FAM241A: variants seen among roughly 807,000 people sequenced by gnomAD.
FAM241A encodes uncharacterized protein FAM241A.
FAM241A carries 7 observed loss-of-function variants against 12.2 expected under a neutral mutation model. The ratio of observed to expected loss-of-function variants is 0.58; its 90% CI spans 0.33 to 1.08. FAM241A has a LOEUF of 1.08. FAM241A is among the 50% of genes least tolerant of loss of function. FAM241A has a pLI of 0.04. For synonymous variants in FAM241A, 74 were observed against 68.2 expected (o/e 1.08, Z -0.42); for missense variants, 161 against 169.7 (o/e 0.95, Z 0.29).
chr4:112,147,046 G>A (rs551327424), intron 1 of FAM241A, among the ~76,000 whole-genome samples: 52 of 152,326 alleles, frequency 3.4e-4, no homozygotes, highest in Admixed American at 8.5e-4. Flanking sequence ...TTGCATTTGA[G>A]CAGGGGTTTC....
intron 1 of FAM241A, among the ~76,000 whole-genome samples, chr4:112,164,179 G>A (rs931137612): frequency 4.6e-5 from 7 of 151,310 alleles, no homozygotes; most frequent in African/African-American, 1.7e-4. Flanking sequence ...CTAGTTAATC[G>A]GTGCAGCACA....
At chr4:112,168,110 C>A (rs1039523702) in intron 1 of FAM241A, among the ~76,000 whole-genome samples, 3 of 152,196 alleles carry the variant, frequency 2.0e-5, no homozygotes, top group Non-Finnish European at 4.4e-5. Context: ...CAGAAAACTT[C>A]TAGTAATTTT....
intron 1 of FAM241A, among the ~76,000 whole-genome samples, chr4:112,157,027 A>G (rs1055393250): frequency 6.6e-6 from 1 of 152,142 alleles, no homozygotes; most frequent in Non-Finnish European, 1.5e-5. Context: ...TAAAATTCTT[A>G]TCAGCCATTT....
rs184312817 is a variant in FAM241A, at chr4:112,171,035, T to C, written c.154-15658T>C. ...TTTATTTTTAAGAAAAGATGAAATT[T>C]TTAAAATCCTGGTCAAATAGTAAGT... On this transcript the variant is annotated intron_variant, in intron 1 of 1. Coordinates refer to ENST00000309733, the MANE Select transcript of FAM241A (RefSeq NM_152400.3). Among the ~76,000 whole-genome samples, 310 of 152,254 alleles carry C rather than the reference T, an allele frequency of 2.0e-3. 2 individuals carry two copies. The highest frequency in any genetic ancestry group is 7.0e-3 in the African/African-American group (291 of 41,538).
Position 112,191,944 on chromosome 4 carries a change from A to G in FAM241A, c.*5006A>G, listed in dbSNP as rs1724173863. 2 of 152,200 alleles carry G rather than the reference A, an allele frequency of 1.3e-5. No individual in the cohort carries two copies. Among genetic ancestry groups the G allele is most frequent in the Non-Finnish European group, 1.5e-5 (1 of 68,046 alleles). The allele number at this position is 152,200 out of a possible 1,614,324, so 9.4% of individuals were successfully genotyped here. Reference sequence around the variant, plus strand: ...CACAATGCCTGGGACATAATAGGCCATCAAAATATTTATCAAGTAAACCCA... The same window carrying G: ...CACAATGCCTGGGACATAATAGGCCGTCAAAATATTTATCAAGTAAACCCA... On this transcript the variant is annotated 3_prime_UTR_variant, in exon 2 of 2. Coordinates refer to ENST00000309733, the MANE Select transcript of FAM241A (RefSeq NM_152400.3).
At chr4:112,154,189 G>A (rs1723304557) in intron 1 of FAM241A, among the ~76,000 whole-genome samples, 1 of 152,102 alleles carries the variant, frequency 6.6e-6, no homozygotes, top group Non-Finnish European at 1.5e-5. Context: ...GAATTGAGAA[G>A]GAAAGTCATT....
At chr4:112,171,369 G>C (rs12643919) in intron 1 of FAM241A, 209,767 of 760,734 alleles carry the variant, frequency 0.28, 30,394 homozygotes, top group East Asian at 0.42. Context: ...TGGGGGACAA[G>C]CTAAGCCAAT....
chr4:112,151,918 C>A (rs1699179878), intron 1 of FAM241A, among the ~76,000 whole-genome samples: 1 of 152,160 alleles, frequency 6.6e-6, no homozygotes, highest in Non-Finnish European at 1.5e-5. Context: ...GAAAAACAGT[C>A]TGACAAATTT....
chr4:112,170,623 G>A (rs1368221502), intron 1 of FAM241A, among the ~76,000 whole-genome samples: 1 of 152,302 alleles, frequency 6.6e-6, no homozygotes, highest in African/African-American at 2.4e-5. Context: ...TCCCGAGCAG[G>A]ATGGAGCAAG....
chr4:112,172,766 T>C (rs1039536679), intron 1 of FAM241A, among the ~76,000 whole-genome samples: 1 of 152,216 alleles, frequency 6.6e-6, no homozygotes, highest in Non-Finnish European at 1.5e-5. Context: ...GGTTCTAAAG[T>C]GTTTTTAAAG....
In FAM241A at chr4:112,192,965, A is replaced by G. The variant is rs1330413167; in HGVS notation, c.*6027A>G. 4 of 148,572 alleles carry G rather than the reference A, an allele frequency of 2.7e-5. No individual in the cohort carries two copies. The highest frequency in any genetic ancestry group is 1.0e-4 in the African/African-American group (4 of 40,156). The allele number at this position is 148,572 out of a possible 1,614,324, so 9.2% of individuals were successfully genotyped here. ...TGAACTAGTTTACAGTCCCACCAAC[A>G]GTGTAAAAGTGTTCCTATTTCTCCA... On this transcript the variant is annotated 3_prime_UTR_variant, in exon 2 of 2. Coordinates refer to ENST00000309733, the MANE Select transcript of FAM241A (RefSeq NM_152400.3).
At position 112,157,009 on chromosome 4, in the gene FAM241A, A is replaced by G. The variant is rs533395483; in HGVS notation, c.153+11276A>G. ...AATGAAGGCCAGAGCTAGTAGAAAG[A>G]TAGTGAATAAAATTCTTATCAGCCA... On this transcript the variant is annotated intron_variant, in intron 1 of 1. Coordinates refer to ENST00000309733, the MANE Select transcript of FAM241A (RefSeq NM_152400.3). Among the ~76,000 whole-genome samples the G allele has an allele frequency of 1.7e-4, 26 of 152,292 alleles. No individual in the cohort carries two copies. The South Asian group carries it at 4.6e-3, about 27-fold the overall frequency.
In FAM241A at chr4:112,190,271, A is replaced by G. The variant is rs2110438521; in HGVS notation, c.*3333A>G. The G allele has an allele frequency of 6.6e-6, 1 of 152,360 alleles. No individual in the cohort carries two copies. Among genetic ancestry groups the G allele is most frequent in the South Asian group, 2.1e-4 (1 of 4,834 alleles). 9.4% of individuals were successfully genotyped at this position (152,360 alleles called of 1,614,324 possible). A position where few individuals can be genotyped will look rare whatever the true frequency, so the allele number is the denominator to read the frequency against. ...GCCAGGTTTGGAGCAATCAAAGGCT[A>G]TTCGTGTGGTTCATAGATTGTTTTA... is the stretch of plus-strand genomic sequence containing the variant. On this transcript the variant is annotated 3_prime_UTR_variant, in exon 2 of 2. Transcript: ENST00000309733.
At chr4:112,179,914 G>GACATACATATATAT (rs1479640205) in intron 1 of FAM241A, among the ~76,000 whole-genome samples, 1 of 117,770 alleles carries the variant, frequency 8.5e-6, no homozygotes, top group Non-Finnish European at 1.7e-5. Context: ...AAGAAAATGT[G>GACATACATATATAT]ATATATATAT....
intron 1 of FAM241A, among the ~76,000 whole-genome samples, chr4:112,154,721 AC>A (rs1294183947): frequency 6.6e-6 from 1 of 152,000 alleles, no homozygotes; most frequent in African/African-American, 2.4e-5. Flanking sequence ...AAATGTCTTA[AC>A]CTGCAGTTTG....
intron 1 of FAM241A, among the ~76,000 whole-genome samples, chr4:112,154,881 A>C (rs1723321382): frequency 6.6e-6 from 1 of 152,006 alleles, no homozygotes; most frequent in Non-Finnish European, 1.5e-5. Context: ...AAAAGATACA[A>C]AAATCAGCCG....
intron 1 of FAM241A, among the ~76,000 whole-genome samples, chr4:112,164,615 TA>T (rs1723556189): frequency 6.6e-6 from 1 of 151,006 alleles, no homozygotes; most frequent in Non-Finnish European, 1.5e-5. Flanking sequence ...AAAAATAAAA[TA>T]AAATGAAAAA....
Position 112,187,095 on chromosome 4 carries a change from T to G in FAM241A, c.*157T>G. On this transcript the variant is annotated 3_prime_UTR_variant, in exon 2 of 2. Coordinates refer to ENST00000309733, the MANE Select transcript of FAM241A (RefSeq NM_152400.3). Reference sequence around the variant, plus strand: ...TTTATACATGGATGTCACTTAAAACTAAACTCTTGATCATAACAGGGTTGA... The same window carrying G: ...TTTATACATGGATGTCACTTAAAACGAAACTCTTGATCATAACAGGGTTGA... 1 of 747,704 alleles carries G rather than the reference T, an allele frequency of 1.3e-6. No individual in the cohort carries two copies. The allele number at this position is 747,704 out of a possible 1,614,324, so 46.3% of individuals were successfully genotyped here. A position where few individuals can be genotyped will look rare whatever the true frequency, so the allele number is the denominator to read the frequency against.
intron 1 of FAM241A, chr4:112,171,322 A>G: frequency 1.3e-6 from 1 of 753,896 alleles, no homozygotes; most frequent in South Asian, 1.3e-5. Context: ...CTGTATGCCC[A>G]GGGAAAGCGG....
Sources: allele counts gnomAD v4.1 joint callset (sites outside exome capture counted in the v4.1 genomes callset), GRCh38; gene constraint gnomAD v4.1.1; transcripts MANE v1.5; gene names NCBI Gene and HGNC (gene_info 2026-07-23, HGNC 2026-07-21).